Variants in GOLPH3 observed in about 807,000 individuals in gnomAD.
GOLPH3 encodes the protein golgi phosphoprotein 3.
GOLPH3 carries 14 observed loss-of-function variants against 28.5 expected under a neutral mutation model. The ratio of observed to expected loss-of-function variants is 0.49; its 90% CI spans 0.32 to 0.77. The LOEUF (loss-of-function observed/expected upper bound fraction) is 0.77, where lower values mean the gene tolerates loss of function less well. Ranked by LOEUF, GOLPH3 falls within the 30% of genes least tolerant of loss-of-function variation. GOLPH3 has a pLI of 0.03. For synonymous variants in GOLPH3, 158 were observed against 159.2 expected (o/e 0.99, Z 0.06); for missense variants, 350 against 393.7 (o/e 0.89, Z 0.94).
chr5:32,149,671 A>G (rs1023083587), intron 1 of GOLPH3, among the ~76,000 whole-genome samples: 1 of 152,256 alleles, frequency 6.6e-6, no homozygotes, highest in Non-Finnish European at 1.5e-5. Flanking sequence ...AGACTAGACA[A>G]GAAAAGGTAT....
chr5:32,126,460 C>G lies in GOLPH3; in HGVS notation c.649G>C (p.Val217Leu), dbSNP rs1479875961. 5 of 1,614,064 alleles carry G rather than the reference C, an allele frequency of 3.1e-6. No individual in the cohort carries two copies. The highest frequency in any genetic ancestry group is 4.2e-6 in the Non-Finnish European group (5 of 1,180,048). Reference protein sequence around the residue: ...NNIKQRLIKKVQEAVLDKWVN... With the variant: ...NNIKQRLIKKLQEAVLDKWVN... ...CATTTGTCAAGAACGGCTTCCTGTA[C>G]TTTCTTGATGAGGCGCTGCTTAATG... The change falls in exon 4 of 4, where the codon GTA (valine) becomes CTA (leucine). Residue 217 changes from valine (V) to leucine (L), a missense_variant. By Grantham distance (32) the Val-to-Leu change is conservative. Coordinates refer to ENST00000265070, the MANE Select transcript of GOLPH3 (RefSeq NM_022130.4).
chr5:32,167,749 G>A (rs768528100), intron 1 of GOLPH3, among the ~76,000 whole-genome samples: 6 of 149,690 alleles, frequency 4.0e-5, no homozygotes, highest in Admixed American at 6.7e-5. Context: ...CCAGGAGTTC[G>A]AGACTAGGCA....
intron 1 of GOLPH3, among the ~76,000 whole-genome samples, chr5:32,161,145 G>A (rs1310100214): frequency 2.0e-5 from 3 of 148,806 alleles, no homozygotes; most frequent in Non-Finnish European, 4.4e-5. Flanking sequence ...GTTCACATCT[G>A]TAATCCCAGC....
intron 1 of GOLPH3, among the ~76,000 whole-genome samples, chr5:32,152,789 A>G (rs1746337039): frequency 1.3e-5 from 2 of 151,830 alleles, no homozygotes; most frequent in Admixed American, 1.3e-4. Context: ...CTCAAAAAAA[A>G]AACAAAAACA....
intron 1 of GOLPH3, among the ~76,000 whole-genome samples, chr5:32,146,355 A>G (rs1746179547): frequency 6.6e-6 from 1 of 152,038 alleles, no homozygotes; most frequent in African/African-American, 2.4e-5. Flanking sequence ...GCAGCTTATG[A>G]CTGTAGTCAT....
intron 3 of GOLPH3, 152 bp downstream of exon 3, chr5:32,135,420 A>G (rs984108482): frequency 3.4e-6 from 2 of 595,554 alleles, no homozygotes; most frequent in Non-Finnish European, 6.0e-6. Context: ...TATAAAAACC[A>G]TTACTTCCCC....
intron 1 of GOLPH3, among the ~76,000 whole-genome samples, chr5:32,164,833 T>C (rs1333068446): frequency 1.3e-5 from 2 of 151,940 alleles, no homozygotes; most frequent in Non-Finnish European, 2.9e-5. Context: ...ATTAAGTAAA[T>C]TTATTTAATA....
At chr5:32,164,338 A>C (rs1418581994) in intron 1 of GOLPH3, among the ~76,000 whole-genome samples, 1 of 152,112 alleles carries the variant, frequency 6.6e-6, no homozygotes, top group African/African-American at 2.4e-5. Flanking sequence ...ATATGATGGA[A>C]TATACATATT....
intron 2 of GOLPH3, among the ~76,000 whole-genome samples, chr5:32,136,007 T>A (rs1178494722): frequency 6.6e-6 from 1 of 152,118 alleles, no homozygotes; most frequent in Non-Finnish European, 1.5e-5. Context: ...AAACCCTGTC[T>A]CTACTAAAAA....
chr5:32,170,945 G>A (rs1440900498), intron 1 of GOLPH3, among the ~76,000 whole-genome samples: 5 of 151,780 alleles, frequency 3.3e-5, no homozygotes, highest in Non-Finnish European at 7.4e-5. Context: ...AAATCAGGAA[G>A]AAATGCTCAC....
intron 2 of GOLPH3, among the ~76,000 whole-genome samples, chr5:32,142,321 T>TG (rs1746087918): frequency 6.7e-6 from 1 of 148,228 alleles, no homozygotes; most frequent in Non-Finnish European, 1.5e-5. Flanking sequence ...GGAGACCCTC[T>TG]GCCTGGCAAC....
In GOLPH3 at chr5:32,126,177, T is replaced by G. The variant is rs565262529; in HGVS notation, c.*35A>C. ...AACAGAAGAAAAACTACTGGTTTAC[T>G]TGAGAGAAAGGAGAATGGTTCACCC... is the stretch of plus-strand genomic sequence containing the variant. On this transcript the variant is annotated 3_prime_UTR_variant, in exon 4 of 4. Coordinates refer to ENST00000265070, the MANE Select transcript of GOLPH3 (RefSeq NM_022130.4). 4 of 1,568,676 alleles carry G rather than the reference T, an allele frequency of 2.5e-6. No homozygotes were observed. The African/African-American group carries it at 5.5e-5, about 21-fold the overall frequency.
At chr5:32,157,209 C>G (rs970239642) in intron 1 of GOLPH3, among the ~76,000 whole-genome samples, 2 of 152,150 alleles carry the variant, frequency 1.3e-5, no homozygotes, top group Non-Finnish European at 2.9e-5. Context: ...TGATGAGAAC[C>G]AAATCCAACT....
chr5:32,155,195 GTTTT>G (rs745741811), intron 1 of GOLPH3, among the ~76,000 whole-genome samples: 4 of 150,516 alleles, frequency 2.7e-5, no homozygotes, highest in Non-Finnish European at 3.0e-5. Flanking sequence ...CTTTTACTTT[GTTTT>G]TTTAAAGACA....
At chr5:32,157,821 T>C (rs953488905) in intron 1 of GOLPH3, among the ~76,000 whole-genome samples, 2 of 151,428 alleles carry the variant, frequency 1.3e-5, no homozygotes, top group African/African-American at 2.4e-5. Context: ...CTACTAAAAA[T>C]ACAAAATTAG....
At chr5:32,129,251 T>C (rs780041678) in intron 3 of GOLPH3, among the ~76,000 whole-genome samples, 1 of 152,176 alleles carries the variant, frequency 6.6e-6, no homozygotes, top group Admixed American at 6.6e-5. Flanking sequence ...CAAGTCATCT[T>C]AATCTATTTC....
At chr5:32,144,449 G>T (rs1421308209) in intron 1 of GOLPH3, among the ~76,000 whole-genome samples, 1 of 152,150 alleles carries the variant, frequency 6.6e-6, no homozygotes, top group Non-Finnish European at 1.5e-5. Flanking sequence ...AATTAGCTAG[G>T]TGTGGTGCTG....
chr5:32,170,324 G>T (rs1325236870), intron 1 of GOLPH3, among the ~76,000 whole-genome samples: 3 of 152,162 alleles, frequency 2.0e-5, no homozygotes, highest in Admixed American at 6.6e-5. Context: ...TGGAGGGCTA[G>T]GGCTTCTGTT....
intron 1 of GOLPH3, among the ~76,000 whole-genome samples, chr5:32,152,429 C>G (rs866586835): frequency 8.3e-6 from 1 of 120,194 alleles, no homozygotes; most frequent in East Asian, 2.4e-4. Flanking sequence ...CTGCCCCCCC[C>G]AGCCTTTTTT....
Sources: allele counts gnomAD v4.1 joint callset (sites outside exome capture counted in the v4.1 genomes callset), GRCh38; gene constraint gnomAD v4.1.1; transcripts MANE v1.5; gene names NCBI Gene and HGNC (gene_info 2026-07-23, HGNC 2026-07-21).